The following ABCA13 variants were observed in gnomAD, a reference collection of about 807,000 sequenced individuals.
ABCA13 encodes the protein ATP binding cassette subfamily A member 13, also known as ATP-binding cassette sub-family A member 13.
Under a neutral mutation model 478.7 loss-of-function variants are expected in ABCA13, and 476 were observed. The ratio of observed to expected loss-of-function variants is 0.99; its 90% CI spans 0.92 to 1.07. The LOEUF (loss-of-function observed/expected upper bound fraction) is 1.07, where lower values mean the gene tolerates loss of function less well. Ranked by LOEUF, ABCA13 falls within the 50% of genes least tolerant of loss-of-function variation. The probability of loss-of-function intolerance (pLI) is 0.00; values close to 1 mark genes in which losing one functional copy is unlikely to be tolerated. For missense variants in ABCA13, 6,060 were observed against 5,910.6 expected, an observed-to-expected ratio of 1.03 and a Z score of -0.83; for synonymous variants, 2,252 against 2,158.9, an observed-to-expected ratio of 1.04 and a Z score of -1.20.
chr7:48,507,926 C>T lies in ABCA13; in HGVS notation c.13401C>T (p.Ser4467=), dbSNP rs757057171. ...CCCTCTGCATCGTGCTGGGATTCTCCATCCTGTCTGCATCCATCGGCAGCT... is the reference window on the plus strand; with the variant it reads ...CCCTCTGCATCGTGCTGGGATTCTCTATCCTGTCTGCATCCATCGGCAGCT... ...GVALCIVLGF[S]ILSASIGSSV... The change falls in exon 50 of 62, where the codon TCC becomes TCT. Residue 4467 remains serine, a synonymous_variant. Coordinates refer to ENST00000435803, the MANE Select transcript of ABCA13 (RefSeq NM_152701.5). 1.2e-6 allele frequency: 2 copies of T among 1,613,190 alleles called. No homozygotes were observed. Among genetic ancestry groups the T allele is most frequent in the African/African-American group, 2.7e-5 (2 of 74,926 alleles).
intron 5 of ABCA13, among the ~76,000 whole-genome samples, chr7:48,225,109 G>GCC (rs1787964526): frequency 8.8e-6 from 1 of 113,664 alleles, no homozygotes; most frequent in African/African-American, 3.6e-5. Flanking sequence ...CCATGCGTGC[G>GCC]TGCCTGCCTG....
chr7:48,586,662 C>T (rs1203570130), intron 56 of ABCA13, among the ~76,000 whole-genome samples: 1 of 152,070 alleles, frequency 6.6e-6, no homozygotes, highest in Admixed American at 6.5e-5. Flanking sequence ...TCATTAGAAG[C>T]CCAAACCTCA....
At chr7:48,373,568 A>G (rs1717006695) in intron 33 of ABCA13, among the ~76,000 whole-genome samples, 1 of 152,206 alleles carries the variant, frequency 6.6e-6, no homozygotes, top group South Asian at 2.1e-4. Flanking sequence ...CTTATGTTAC[A>G]TTTGTAAAAA....
intron 59 of ABCA13, among the ~76,000 whole-genome samples, chr7:48,626,065 T>C (rs1793634601): frequency 6.6e-6 from 1 of 152,230 alleles, no homozygotes; most frequent in Non-Finnish European, 1.5e-5. Flanking sequence ...CGAAATGCTG[T>C]GTTGTGCATC....
chr7:48,335,025 T>C (rs1193323357), intron 27 of ABCA13, among the ~76,000 whole-genome samples: 2 of 152,214 alleles, frequency 1.3e-5, no homozygotes, highest in South Asian at 4.1e-4. Context: ...TGAAAAAATA[T>C]ACCAATTTTA....
intron 43 of ABCA13, among the ~76,000 whole-genome samples, chr7:48,457,166 A>G (rs968278929): frequency 1.6e-4 from 25 of 152,196 alleles, no homozygotes; most frequent in Middle Eastern, 6.8e-3. Context: ...CAGACCTGAT[A>G]TTTCATTGCT....
intron 27 of ABCA13, among the ~76,000 whole-genome samples, chr7:48,327,185 T>G (rs1804464829): frequency 6.6e-6 from 1 of 152,152 alleles, no homozygotes; most frequent in East Asian, 1.9e-4. Flanking sequence ...GACTCACAGT[T>G]TCACATGGCT....
At chr7:48,631,102 T>A (rs539219625) in intron 59 of ABCA13, among the ~76,000 whole-genome samples, 1 of 152,004 alleles carries the variant, frequency 6.6e-6, no homozygotes, top group Non-Finnish European at 1.5e-5. Flanking sequence ...CTGTGGGTTG[T>A]CTTTTTATTT....
rs142065808 is a variant in ABCA13, at chr7:48,417,021, T to A, written c.12459+4438T>A. 4.2e-3 allele frequency among the ~76,000 whole-genome samples: 641 copies of A among 152,330 alleles called. 6 individuals carry two copies. Among genetic ancestry groups the A allele is most frequent in the Non-Finnish European group, 4.2e-3 (283 of 68,040 alleles). The stretch of plus-strand genomic sequence containing the variant: ...TTTATTTTTCCCATAGTCATGATGT[T>A]CATGGTGACATAATTTCTTTTACAA... On this transcript the variant is annotated intron_variant, in intron 41 of 61. Coordinates refer to ENST00000435803, the MANE Select transcript of ABCA13 (RefSeq NM_152701.5).
At chr7:48,485,169 C>T (rs567003468) in intron 47 of ABCA13, among the ~76,000 whole-genome samples, 4 of 151,920 alleles carry the variant, frequency 2.6e-5, no homozygotes, top group Admixed American at 6.6e-5. Context: ...TTTTCACTTT[C>T]GTTTTTTTCA....
At position 48,274,903 on chromosome 7, in the gene ABCA13, T is replaced by C. The variant is rs1185466069; in HGVS notation, c.5237T>C (p.Val1746Ala). 1.2e-6 allele frequency: 2 copies of C among 1,613,830 alleles called. No homozygotes were observed. Among genetic ancestry groups the C allele is most frequent in the Non-Finnish European group, 1.7e-6 (2 of 1,179,862 alleles). ...PKDVVDAVID[V>A]YYVLPHAVRL... ...GATGTTGTGGATGCTGTGATAGATGTGTACTATGTGCTTCCTCATGCTGTA... is the reference window on the plus strand; with the variant it reads ...GATGTTGTGGATGCTGTGATAGATGCGTACTATGTGCTTCCTCATGCTGTA... Residue 1746 changes from valine to alanine, a missense_variant, in exon 17 of 62, where the codon GTG becomes GCG. Physicochemically the swap from Val to Ala is moderately conservative, Grantham distance 64. Transcript: ENST00000435803.
chr7:48,386,969 G>A (rs1815288929), intron 35 of ABCA13, among the ~76,000 whole-genome samples: 1 of 152,148 alleles, frequency 6.6e-6, no homozygotes, highest in Non-Finnish European at 1.5e-5. Context: ...TAGAATTGGA[G>A]GAAAATTTTG....
intron 42 of ABCA13, among the ~76,000 whole-genome samples, chr7:48,450,680 T>A (rs570810727): frequency 6.6e-6 from 1 of 152,314 alleles, no homozygotes; most frequent in Non-Finnish European, 1.5e-5. Flanking sequence ...TCATATGTGA[T>A]GTTTTAACCC....
In ABCA13 at chr7:48,301,441, G is replaced by A. The variant is rs542693448; in HGVS notation, c.9321+2954G>A. On this transcript the variant is annotated intron_variant, in intron 23 of 61. Transcript: ENST00000435803. ...CATTCCACTTGTTTTAATACATGAA[G>A]TTTGTTTCCTGGAAAGCTCCAACAG... Among the ~76,000 whole-genome samples the A allele has an allele frequency of 2.6e-5, 4 of 152,086 alleles. No homozygotes were observed. The East Asian group carries it at 7.7e-4, about 29-fold the overall frequency.
At chr7:48,314,142 A>G (rs1013029137) in intron 25 of ABCA13, 90 bp from the exon 26 acceptor site, 56 of 1,339,678 alleles carry the variant, frequency 4.2e-5, no homozygotes, top group Middle Eastern at 3.8e-4. Context: ...TTGTACATTC[A>G]GTGGAGGAAG....
chr7:48,245,527 T>G lies in ABCA13; in HGVS notation c.1406T>G (p.Leu469Arg), dbSNP rs987948796. The G allele has an allele frequency of 3.1e-6, 5 of 1,611,790 alleles. No homozygotes were observed. The African/African-American group carries it at 6.7e-5, about 22-fold the overall frequency. Residue 469 changes from leucine (L) to arginine (R), a missense_variant, in exon 12 of 62, where the codon CTG becomes CGG. This residue lies in a region of ABCA13 where 4,423 missense variants were observed against 4,309.1 expected (regional missense o/e 1.03). Transcript: ENST00000435803. ...LHFVQEVLIC[L>R]ETSANDFKWF... ...TACTTTGCAGAAGTCCTCATTTGCCTGGAGACATCAGCTAATGATTTTAAA... is the reference window on the plus strand; with the variant it reads ...TACTTTGCAGAAGTCCTCATTTGCCGGGAGACATCAGCTAATGATTTTAAA...
At chr7:48,219,129 C>G (rs1278181610) in intron 3 of ABCA13, among the ~76,000 whole-genome samples, 1 of 152,072 alleles carries the variant, frequency 6.6e-6, no homozygotes, top group African/African-American at 2.4e-5. Flanking sequence ...TCAGATAATA[C>G]AGAGAATGAG....
At chr7:48,549,779 T>C (rs1220278289) in intron 55 of ABCA13, among the ~76,000 whole-genome samples, 1 of 151,926 alleles carries the variant, frequency 6.6e-6, no homozygotes, top group Non-Finnish European at 1.5e-5. Context: ...AGATGGTATC[T>C]CATTGTGGTT....
chr7:48,326,109 A>T (rs1804287966), intron 27 of ABCA13, among the ~76,000 whole-genome samples: 1 of 152,344 alleles, frequency 6.6e-6, no homozygotes. Context: ...GCTGCTGGTT[A>T]TGCGCATTGC....
Sources: gnomAD v4.1 joint callset for allele counts (sites outside exome capture counted in the v4.1 genomes callset) on GRCh38, gnomAD v4.1.1 for gene constraint, gnomAD v4.1.1 regional missense constraint, MANE v1.5 for transcripts, NCBI Gene and HGNC (gene_info 2026-07-23, HGNC 2026-07-21) for gene names.